PLCB4: variants seen among roughly 807,000 people sequenced by gnomAD.
PLCB4 encodes 1-phosphatidylinositol 4,5-bisphosphate phosphodiesterase beta-4.
Under a neutral mutation model 178.8 loss-of-function variants are expected in PLCB4, and 77 were observed. The ratio of observed to expected loss-of-function variants is 0.43; its 90% CI spans 0.36 to 0.52. The LOEUF is 0.52. PLCB4 is among the 20% of genes least tolerant of loss of function. The probability of loss-of-function intolerance (pLI) is 0.00; values close to 1 mark genes in which losing one functional copy is unlikely to be tolerated. For missense variants in PLCB4, 1,024 were observed against 1,453.4 expected, an observed-to-expected ratio of 0.70 and a Z score of 4.80; for synonymous variants, 496 against 490.8, an observed-to-expected ratio of 1.01 and a Z score of -0.14.
chr20:9,317,055 GTT>G (rs2094907457), intron 4 of PLCB4, among the ~76,000 whole-genome samples: 1 of 152,114 alleles, frequency 6.6e-6, no homozygotes, highest in South Asian at 2.1e-4. Context: ...TGCAGCCTCT[GTT>G]ACAGCTATTC....
chr20:9,324,341 G>A (rs1323024225), intron 4 of PLCB4, among the ~76,000 whole-genome samples: 9 of 151,980 alleles, frequency 5.9e-5, no homozygotes, highest in Non-Finnish European at 1.0e-4. Flanking sequence ...GAGGAGAATC[G>A]CTTGAACTCG....
At chr20:9,279,358 A>C (rs1209874773) in intron 3 of PLCB4, among the ~76,000 whole-genome samples, 1 of 152,050 alleles carries the variant, frequency 6.6e-6, no homozygotes, top group African/African-American at 2.4e-5. Context: ...GCTAGATAGA[A>C]ATGTTCATTG....
At chr20:9,197,349 G>C (rs541282826) in intron 2 of PLCB4, among the ~76,000 whole-genome samples, 1 of 152,136 alleles carries the variant, frequency 6.6e-6, no homozygotes, top group Admixed American at 6.5e-5. Context: ...CACTCACCAC[G>C]TAGCCAGTTC....
intron 18 of PLCB4, among the ~76,000 whole-genome samples, chr20:9,395,288 C>T (rs1379160522): frequency 3.3e-5 from 5 of 152,108 alleles, no homozygotes; most frequent in East Asian, 1.9e-4. Flanking sequence ...CCCATGTCCC[C>T]GCAATTCTTC....
chr20:9,372,952 G>A, intron 11 of PLCB4, 95 bp from the exon 12 acceptor site: 1 of 612,242 alleles, frequency 1.6e-6, no homozygotes, highest in Non-Finnish European at 2.9e-6. Flanking sequence ...TAGAAAATAA[G>A]TTTAGAATTA....
intron 2 of PLCB4, among the ~76,000 whole-genome samples, chr20:9,190,926 C>T (rs114220182): frequency 2.4e-3 from 365 of 152,260 alleles, no homozygotes; most frequent in African/African-American, 8.5e-3. Context: ...CCAGACATGT[C>T]TAACTACTAA....
chr20:9,469,945 C>T (rs2044070302), intron 36 of PLCB4, among the ~76,000 whole-genome samples: 1 of 152,214 alleles, frequency 6.6e-6, no homozygotes, highest in Non-Finnish European at 1.5e-5. Context: ...TGGATTACGC[C>T]ACCAGCAGTT....
chr20:9,458,418 G>T (rs2043187598), intron 34 of PLCB4, among the ~76,000 whole-genome samples: 1 of 152,198 alleles, frequency 6.6e-6, no homozygotes, highest in Admixed American at 6.5e-5. Flanking sequence ...AAAAGCCTTG[G>T]CAACAGTATC....
At chr20:9,380,513 A>G (rs1285790211) in intron 13 of PLCB4, among the ~76,000 whole-genome samples, 1 of 152,198 alleles carries the variant, frequency 6.6e-6, no homozygotes, top group African/African-American at 2.4e-5. Flanking sequence ...TCATATAAAA[A>G]CTTATACCTT....
chr20:9,310,479 G>C (rs1281952526), intron 4 of PLCB4, among the ~76,000 whole-genome samples: 1 of 152,114 alleles, frequency 6.6e-6, no homozygotes, highest in African/African-American at 2.4e-5. Flanking sequence ...GGGAGGCCAG[G>C]GTGGGCAGAT....
At chr20:9,348,944 G>T (rs995552627) in intron 7 of PLCB4, among the ~76,000 whole-genome samples, 2 of 151,926 alleles carry the variant, frequency 1.3e-5, no homozygotes, top group Admixed American at 6.6e-5. Flanking sequence ...ACATTTGCAT[G>T]GACAGTGTGT....
chr20:9,118,461 G>A (rs575111250), intron 2 of PLCB4, among the ~76,000 whole-genome samples: 3 of 150,750 alleles, frequency 2.0e-5, no homozygotes, highest in Admixed American at 6.6e-5. Flanking sequence ...AACTTTTAAA[G>A]CATGACATAT....
chr20:9,426,784 A>G (rs1438711838), intron 28 of PLCB4, among the ~76,000 whole-genome samples: 1 of 152,090 alleles, frequency 6.6e-6, no homozygotes, highest in East Asian at 1.9e-4. Flanking sequence ...TTATATTTTT[A>G]TTAGCTGTAT....
At chr20:9,289,747 C>G (rs759991192) in intron 3 of PLCB4, among the ~76,000 whole-genome samples, 6 of 152,018 alleles carry the variant, frequency 3.9e-5, no homozygotes, top group Non-Finnish European at 8.8e-5. Flanking sequence ...GGTGTTCGGT[C>G]AAAAGGTTTG....
chr20:9,088,183 T>C (rs71330239), intron 1 of PLCB4, among the ~76,000 whole-genome samples: 59 of 13,704 alleles, frequency 4.3e-3, no homozygotes, highest in South Asian at 0.022. Flanking sequence ...CTTTTCTTTT[T>C]TTTTTTTTTT....
At chr20:9,423,428 G>A (rs1427601801) in intron 27 of PLCB4, among the ~76,000 whole-genome samples, 1 of 152,196 alleles carries the variant, frequency 6.6e-6, no homozygotes, top group Non-Finnish European at 1.5e-5. Flanking sequence ...CTAAGATCAA[G>A]GAAAGTGGCT....
intron 1 of PLCB4, among the ~76,000 whole-genome samples, chr20:9,082,033 GT>G (rs748964629): frequency 8.0e-5 from 12 of 149,274 alleles, no homozygotes; most frequent in Non-Finnish European, 1.5e-4. Context: ...TACTCATATT[GT>G]TTTTCCTATT....
chr20:9,307,680 A>C, intron 3 of PLCB4, 120 bp from the exon 4 acceptor site: 4 of 499,690 alleles, frequency 8.0e-6, no homozygotes, highest in Non-Finnish European at 1.4e-5. Context: ...GGAAGAAGAA[A>C]AAAACGTATT....
intron 2 of PLCB4, among the ~76,000 whole-genome samples, chr20:9,102,859 C>A (rs1386610714): frequency 3.3e-5 from 5 of 152,122 alleles, no homozygotes; most frequent in Non-Finnish European, 7.4e-5. Flanking sequence ...TGCTATTCAG[C>A]AAGATTATTA....
Sources: allele counts gnomAD v4.1 joint callset (sites outside exome capture counted in the v4.1 genomes callset), GRCh38; gene constraint gnomAD v4.1.1; transcripts MANE v1.5; gene names NCBI Gene and HGNC (gene_info 2026-07-23, HGNC 2026-07-21).